FBXO42: variants seen among roughly 807,000 people sequenced by gnomAD.
FBXO42 encodes the protein F-box only protein 42.
FBXO42 carries 12 observed loss-of-function variants against 71.7 expected under a neutral mutation model. The ratio of observed to expected loss-of-function variants is 0.17; its 90% CI spans 0.11 to 0.27. The LOEUF is 0.27. Ranked by LOEUF, FBXO42 falls within the 10% of genes least tolerant of loss-of-function variation. The pLI is 1.00. For missense variants in FBXO42, 707 were observed against 911.9 expected (o/e 0.78, Z 2.89); for synonymous variants, 325 against 327.5 (o/e 0.99, Z 0.08).
intron 4 of FBXO42, among the ~76,000 whole-genome samples, chr1:16,291,499 A>G (rs1346724962): frequency 6.6e-6 from 1 of 151,562 alleles, no homozygotes; most frequent in Non-Finnish European, 1.5e-5. Context: ...TCATGCTTCA[A>G]CCTCCTGAGT....
intron 1 of FBXO42, among the ~76,000 whole-genome samples, chr1:16,347,507 T>C (rs2082662678): frequency 6.6e-6 from 1 of 151,344 alleles, no homozygotes; most frequent in Admixed American, 6.6e-5. Context: ...GAGAGAGACT[T>C]CCTCTCAAAA....
At chr1:16,256,495 T>C (rs2081646718) in intron 5 of FBXO42, 111 bp downstream of exon 5, 4 of 1,165,306 alleles carry the variant, frequency 3.4e-6, no homozygotes, top group Non-Finnish European at 3.6e-6. Context: ...GGGAAAAGAG[T>C]CCACAGCTTT....
intron 2 of FBXO42, among the ~76,000 whole-genome samples, chr1:16,312,025 T>C (rs1400444386): frequency 6.6e-6 from 1 of 151,936 alleles, no homozygotes; most frequent in Non-Finnish European, 1.5e-5. Flanking sequence ...CATGAAATAT[T>C]ACTCAGCACT....
chr1:16,310,647 A>C (rs1202316123), intron 2 of FBXO42, among the ~76,000 whole-genome samples: 3 of 152,216 alleles, frequency 2.0e-5, no homozygotes, highest in Admixed American at 6.6e-5. Flanking sequence ...TATTTGCAAA[A>C]GACATATCTG....
chr1:16,308,408 A>C (rs949900666), intron 2 of FBXO42, among the ~76,000 whole-genome samples: 5 of 152,106 alleles, frequency 3.3e-5, no homozygotes, highest in Non-Finnish European at 7.4e-5. Flanking sequence ...GCTTGAGCCC[A>C]GGAGTTCGAG....
At chr1:16,313,639 C>T (rs2082337466) in intron 2 of FBXO42, among the ~76,000 whole-genome samples, 3 of 152,154 alleles carry the variant, frequency 2.0e-5, no homozygotes, top group Non-Finnish European at 4.4e-5. Flanking sequence ...GGTTCTTAGC[C>T]CTCTAGGTGG....
chr1:16,300,783 G>A (rs2082183783), intron 3 of FBXO42, among the ~76,000 whole-genome samples: 1 of 151,806 alleles, frequency 6.6e-6, no homozygotes, highest in African/African-American at 2.4e-5. Context: ...TTCAATGCAT[G>A]ATGTTGGGGA....
At chr1:16,281,018 A>G (rs1010983542) in intron 4 of FBXO42, among the ~76,000 whole-genome samples, 3 of 152,004 alleles carry the variant, frequency 2.0e-5, no homozygotes, top group African/African-American at 7.3e-5. Context: ...CTGGAGTGCA[A>G]TGACACGATT....
chr1:16,253,866 G>C (rs2081614890), intron 6 of FBXO42, 135 bp from the exon 7 acceptor site: 2 of 731,008 alleles, frequency 2.7e-6, no homozygotes, highest in Admixed American at 5.1e-5. Context: ...GTGTGGGCTG[G>C]AGCAGGTTTT....
Position 16,247,222 on chromosome 1 carries a change from GCTA to G in FBXO42, c.*3445_*3447del, listed in dbSNP as rs971494762. Reference sequence around the variant, plus strand: ...CATGCCTTCTGCAGTTCATGGAGAGGCTACATGGGACGCAGGCCTGGAAATTCA... The same window carrying G: ...CATGCCTTCTGCAGTTCATGGAGAGGCATGGGACGCAGGCCTGGAAATTCA... On this transcript the variant is annotated 3_prime_UTR_variant, in exon 10 of 10. Transcript: ENST00000375592. The G allele has an allele frequency of 2.0e-5, 3 of 152,220 alleles. No homozygotes were observed. Among genetic ancestry groups the G allele is most frequent in the Non-Finnish European group, 4.4e-5 (3 of 68,054 alleles). The allele number at this position is 152,220 out of a possible 1,614,324, so 9.4% of individuals were successfully genotyped here. A position where few individuals can be genotyped will look rare whatever the true frequency, so the allele number is the denominator to read the frequency against.
chr1:16,311,503 A>ATATATATAT (rs1274920904), intron 2 of FBXO42, among the ~76,000 whole-genome samples: 5 of 65,558 alleles, frequency 7.6e-5, no homozygotes, highest in South Asian at 4.7e-4. Flanking sequence ...AAAAAAAAAA[A>ATATATATAT]ATATATATAT....
In FBXO42 at chr1:16,256,745, G is replaced by C; in HGVS notation, c.517C>G (p.Pro173Ala). Residue 173 changes from proline to alanine, a missense_variant, in exon 5 of 10, where the codon CCC (proline) becomes GCC (alanine). Coordinates refer to ENST00000375592, the MANE Select transcript of FBXO42 (RefSeq NM_018994.3). ...ACGACCAGAGTTGCTCCAGCTTTGGGGGAAGGATAGGACCCTAGGGAAAGT... is the reference window on the plus strand; with the variant it reads ...ACGACCAGAGTTGCTCCAGCTTTGGCGGAAGGATAGGACCCTAGGGAAAGT... ...RPLASGSYPS[P>A]KAGATLVVYK... The C allele has an allele frequency of 1.9e-6, 3 of 1,614,136 alleles. No individual in the cohort carries two copies. The highest frequency in any genetic ancestry group is 2.5e-6 in the Non-Finnish European group (3 of 1,180,000).
intron 1 of FBXO42, among the ~76,000 whole-genome samples, chr1:16,317,922 G>GA (rs976103262): frequency 0.013 from 1,467 of 115,174 alleles, 26 homozygotes; most frequent in African/African-American, 0.04. Flanking sequence ...ATGTCTCGAA[G>GA]AAAAAAAAAA....
chr1:16,315,531 ACT>A lies in FBXO42; in HGVS notation c.-17-98_-17-97del. ...CCAAGCTCTTTGTAATTTCGTTTCC[ACT>A]CTCAGTGTGAAATCTGCTCTTCAGC... On this transcript the variant is annotated intron_variant, in intron 1 of 9. Coordinates refer to ENST00000375592, the MANE Select transcript of FBXO42 (RefSeq NM_018994.3). The A allele has an allele frequency of 2.4e-6, 3 of 1,276,140 alleles. No individual in the cohort carries two copies. In the East Asian group the frequency reaches 7.3e-5, roughly 31 times the overall value. The allele number at this position is 1,276,140 out of a possible 1,614,324, so 79.1% of individuals were successfully genotyped here.
chr1:16,352,093 G>A (rs1369156987), intron 1 of FBXO42, among the ~76,000 whole-genome samples, 162 bp downstream of exon 1: 3 of 152,202 alleles, frequency 2.0e-5, no homozygotes, highest in Non-Finnish European at 4.4e-5. Context: ...CTCACTCGAG[G>A]ACGGCGATAG....
intron 4 of FBXO42, among the ~76,000 whole-genome samples, chr1:16,265,075 T>C (rs2081756687): frequency 6.6e-6 from 1 of 152,106 alleles, no homozygotes; most frequent in Admixed American, 6.5e-5. Context: ...TGCCTGTATT[T>C]TATGCACGAT....
intron 1 of FBXO42, among the ~76,000 whole-genome samples, chr1:16,335,538 A>ATCTTTAT (rs2082544882): frequency 6.6e-6 from 1 of 152,038 alleles, no homozygotes; most frequent in African/African-American, 2.4e-5. Context: ...ATTTCGCTGT[A>ATCTTTAT]GTATTAAACT....
chr1:16,255,080 T>C (rs952951440), intron 6 of FBXO42, among the ~76,000 whole-genome samples: 2 of 152,194 alleles, frequency 1.3e-5, no homozygotes, highest in Non-Finnish European at 1.5e-5. Flanking sequence ...GGTAATAAAG[T>C]AGAATAAGTA....
At chr1:16,298,787 G>T (rs2082158354) in intron 3 of FBXO42, among the ~76,000 whole-genome samples, 1 of 152,078 alleles carries the variant, frequency 6.6e-6, no homozygotes. Flanking sequence ...TGAGATTATA[G>T]GCGTGAGCCA....
Sources: allele counts gnomAD v4.1 joint callset (sites outside exome capture counted in the v4.1 genomes callset), GRCh38; gene constraint gnomAD v4.1.1; transcripts MANE v1.5; gene names NCBI Gene and HGNC (gene_info 2026-07-23, HGNC 2026-07-21).